Variants in RAB39A observed in about 807,000 individuals in gnomAD.
RAB39A encodes RAB39A, member RAS oncogene family.
RAB39A carries 17 observed loss-of-function variants against 20.9 expected under a neutral mutation model. The ratio of observed to expected loss-of-function variants is 0.81; its 90% CI spans 0.56 to 1.22. The LOEUF (loss-of-function observed/expected upper bound fraction) is 1.22. Ranked by LOEUF, RAB39A falls within the 50% of genes most tolerant of loss-of-function variation. The probability of loss-of-function intolerance (pLI) is 0.00; values close to 1 mark genes in which losing one functional copy is unlikely to be tolerated. For missense variants in RAB39A, 234 were observed against 270.5 expected (o/e 0.87, Z 0.95); for synonymous variants, 99 against 103.4 (o/e 0.96, Z 0.26).
In RAB39A at chr11:107,946,456, ATATATTTTTTTTTT is replaced by A. The variant is rs1861318315; in HGVS notation, c.228-15488_228-15475del. ...TGTGTGTATATATATATATATATATATATATTTTTTTTTTTTTTTTTTTTTTTTTTTTTTGAGAC... is the reference window on the plus strand; with the variant it reads ...TGTGTGTATATATATATATATATATATTTTTTTTTTTTTTTTTTTTGAGAC... On this transcript the variant is annotated intron_variant, in intron 1 of 1. Transcript: ENST00000320578. 2.3e-4 allele frequency among the ~76,000 whole-genome samples: 10 copies of A among 43,570 alleles called. 1 individual carries two copies. Among genetic ancestry groups the A allele is most frequent in the South Asian group, 1.4e-3 (1 of 708 alleles). 28.6% of individuals were successfully genotyped at this position (43,570 alleles called of 152,430 possible).
chr11:107,951,955 T>A (rs1861385023), intron 1 of RAB39A, among the ~76,000 whole-genome samples: 1 of 152,194 alleles, frequency 6.6e-6, no homozygotes, highest in Non-Finnish European at 1.5e-5. Context: ...AAATTCCAAA[T>A]TCCCCAATAG....
At chr11:107,956,314 G>T (rs1018781857) in intron 1 of RAB39A, among the ~76,000 whole-genome samples, 1 of 152,148 alleles carries the variant, frequency 6.6e-6, no homozygotes, top group Non-Finnish European at 1.5e-5. Context: ...CCCACTATGT[G>T]CTAGGTACTT....
At chr11:107,944,000 C>G (rs990941372) in intron 1 of RAB39A, among the ~76,000 whole-genome samples, 2 of 151,616 alleles carry the variant, frequency 1.3e-5, no homozygotes, top group Non-Finnish European at 2.9e-5. Flanking sequence ...GATGCTGAGG[C>G]AGGAGAATTG....
At chr11:107,944,973 A>G (rs1403599690) in intron 1 of RAB39A, among the ~76,000 whole-genome samples, 1 of 150,728 alleles carries the variant, frequency 6.6e-6, no homozygotes, top group East Asian at 2.0e-4. Flanking sequence ...TCACAAGGTA[A>G]GGAGTTCAAG....
chr11:107,960,072 T>C (rs919383699), intron 1 of RAB39A, among the ~76,000 whole-genome samples: 6 of 151,726 alleles, frequency 4.0e-5, no homozygotes, highest in Non-Finnish European at 7.4e-5. Context: ...TAGCTGGGGG[T>C]GGTGGCATGC....
chr11:107,933,004 C>T (rs999088612), intron 1 of RAB39A, among the ~76,000 whole-genome samples: 2 of 151,980 alleles, frequency 1.3e-5, no homozygotes, highest in Non-Finnish European at 2.9e-5. Context: ...GTAAAGGAAA[C>T]GAGAATATTG....
At chr11:107,950,179 C>CA (rs372247905) in intron 1 of RAB39A, among the ~76,000 whole-genome samples, 24,040 of 123,096 alleles carry the variant, frequency 0.2, 2,067 homozygotes, top group Middle Eastern at 0.33. Context: ...GACTCCGTCT[C>CA]AAAAAAAAAA....
intron 1 of RAB39A, among the ~76,000 whole-genome samples, chr11:107,936,506 A>T (rs1591241613): frequency 6.6e-6 from 1 of 152,282 alleles, no homozygotes; most frequent in East Asian, 1.9e-4. Context: ...TTTCAAAGTG[A>T]TTTAATTTAT....
At position 107,948,156 on chromosome 11, in the gene RAB39A, G is replaced by A. The variant is rs188643753; in HGVS notation, c.228-13790G>A. ...GACAGCCATGCCAGATTGGAGCAGG[G>A]CAGAAGGTTGTAGGAGAGACCTCAG... On this transcript the variant is annotated intron_variant, in intron 1 of 1. Coordinates refer to ENST00000320578, the MANE Select transcript of RAB39A (RefSeq NM_017516.3). 1.2e-3 allele frequency among the ~76,000 whole-genome samples: 184 copies of A among 152,268 alleles called. 1 individual carries two copies. Among genetic ancestry groups the A allele is most frequent in the African/African-American group, 4.2e-3 (174 of 41,552 alleles).
At chr11:107,940,587 TTA>T (rs1471134118) in intron 1 of RAB39A, among the ~76,000 whole-genome samples, 1 of 152,168 alleles carries the variant, frequency 6.6e-6, no homozygotes, top group African/African-American at 2.4e-5. Flanking sequence ...TCCTACAAGC[TTA>T]TACTTCATGA....
At chr11:107,944,849 G>C (rs1199277882) in intron 1 of RAB39A, among the ~76,000 whole-genome samples, 2 of 152,112 alleles carry the variant, frequency 1.3e-5, no homozygotes, top group African/African-American at 2.4e-5. Context: ...TGCTGAATAT[G>C]TCAGTAGTAA....
chr11:107,954,376 T>C (rs535837318), intron 1 of RAB39A, among the ~76,000 whole-genome samples: 1 of 152,190 alleles, frequency 6.6e-6, no homozygotes, highest in Non-Finnish European at 1.5e-5. Context: ...TCACATAAGA[T>C]ACAAGAATGC....
chr11:107,952,651 G>A (rs1342461152), intron 1 of RAB39A, among the ~76,000 whole-genome samples: 2 of 152,102 alleles, frequency 1.3e-5, no homozygotes, highest in Non-Finnish European at 2.9e-5. Flanking sequence ...GGAGGCCGAG[G>A]CAGGCAGATC....
chr11:107,932,182 C>G (rs1157382321), intron 1 of RAB39A, among the ~76,000 whole-genome samples: 1 of 152,014 alleles, frequency 6.6e-6, no homozygotes, highest in Non-Finnish European at 1.5e-5. Context: ...TTTCAATGTT[C>G]AGACTAACAT....
At chr11:107,932,199 A>G (rs1861145286) in intron 1 of RAB39A, among the ~76,000 whole-genome samples, 1 of 152,178 alleles carries the variant, frequency 6.6e-6, no homozygotes, top group Non-Finnish European at 1.5e-5. Context: ...ACATGCTAAT[A>G]GAGGCTAACT....
intron 1 of RAB39A, among the ~76,000 whole-genome samples, chr11:107,953,093 G>T (rs1172294511): frequency 6.6e-6 from 1 of 152,098 alleles, no homozygotes; most frequent in Non-Finnish European, 1.5e-5. Flanking sequence ...AAGATCTACT[G>T]TACACCTTGG....
In RAB39A at chr11:107,928,531, G is replaced by T. The variant is rs745521105; in HGVS notation, c.-38G>T. Reference sequence around the variant, plus strand: ...GTTCCCGCCGCCGAACTTAGCCCGCGGGTGGGGCGGCCCGGGAGCCAGCGG... The same window carrying T: ...GTTCCCGCCGCCGAACTTAGCCCGCTGGTGGGGCGGCCCGGGAGCCAGCGG... On this transcript the variant is annotated 5_prime_UTR_variant, in exon 1 of 2. Coordinates refer to ENST00000320578, the MANE Select transcript of RAB39A (RefSeq NM_017516.3). This position sits in a 1 kb window ranked among gnomAD's most constrained non-coding sequence, Gnocchi z 4.9. 2.9e-6 allele frequency: 4 copies of T among 1,390,956 alleles called. No individual in the cohort carries two copies. The highest frequency in any genetic ancestry group is 1.9e-4 in the Middle Eastern group (1 of 5,146). 86.2% of individuals were successfully genotyped at this position (1,390,956 alleles called of 1,614,324 possible). A position where few individuals can be genotyped will look rare whatever the true frequency, so the allele number is the denominator to read the frequency against.
intron 1 of RAB39A, among the ~76,000 whole-genome samples, chr11:107,938,634 A>T (rs1861225845): frequency 6.7e-6 from 1 of 149,148 alleles, no homozygotes; most frequent in South Asian, 2.1e-4. Context: ...TACTTGGGAG[A>T]CTGAGGTAAG....
intron 1 of RAB39A, among the ~76,000 whole-genome samples, chr11:107,937,925 T>C (rs1188076640): frequency 6.6e-6 from 1 of 152,158 alleles, no homozygotes; most frequent in Non-Finnish European, 1.5e-5. Context: ...ATAACATAAA[T>C]ATACTAAGTA....
Sources: allele counts gnomAD v4.1 joint callset (sites outside exome capture counted in the v4.1 genomes callset), GRCh38; gene constraint gnomAD v4.1.1; non-coding constraint Gnocchi (gnomAD v3.1); transcripts MANE v1.5; gene names NCBI Gene and HGNC (gene_info 2026-07-23, HGNC 2026-07-21).